The following SYT1 variants were observed in gnomAD, a reference collection of about 807,000 sequenced individuals.
SYT1 encodes the protein synaptotagmin-1.
SYT1 carries 8 observed loss-of-function variants against 44.8 expected under a neutral mutation model. That is an observed-to-expected ratio of 0.18 (90% CI 0.10 to 0.32). The LOEUF (loss-of-function observed/expected upper bound fraction) is 0.32, where lower values mean the gene tolerates loss of function less well. Ranked by LOEUF, SYT1 falls within the 10% of genes least tolerant of loss-of-function variation. The probability of loss-of-function intolerance (pLI) is 1.00; values close to 1 mark genes in which losing one functional copy is unlikely to be tolerated. For missense variants in SYT1, 286 were observed against 509.3 expected (o/e 0.56, Z 4.22); for synonymous variants, 154 against 188.8 (o/e 0.82, Z 1.51).
chr12:79,064,944 GAA>G (rs1565789265), intron 3 of SYT1, among the ~76,000 whole-genome samples: 1 of 130,088 alleles, frequency 7.7e-6, no homozygotes, highest in Non-Finnish European at 1.7e-5. Context: ...AAGAAAGAAA[GAA>G]AGAAAGAAAG....
chr12:79,053,372 A>G (rs28701567), intron 3 of SYT1, among the ~76,000 whole-genome samples: 30,661 of 151,836 alleles, frequency 0.2, 3,458 homozygotes, highest in East Asian at 0.3. Context: ...TGGGGGGAGC[A>G]GGGAGGGATA....
intron 4 of SYT1, among the ~76,000 whole-genome samples, chr12:79,231,311 T>A (rs373466570): frequency 6.6e-6 from 1 of 152,148 alleles, no homozygotes; most frequent in African/African-American, 2.4e-5. Flanking sequence ...CCCCAGCCTG[T>A]CTTTTGAGTG....
chr12:78,936,860 CTCATATCTT>C (rs1878091270), intron 1 of SYT1, among the ~76,000 whole-genome samples: 1 of 152,112 alleles, frequency 6.6e-6, no homozygotes, highest in Admixed American at 6.6e-5. Context: ...GGAAAACTTT[CTCATATCTT>C]CCAGGCAAGG....
At chr12:78,964,102 A>G (rs138867867) in intron 1 of SYT1, 1 of 152,330 alleles carries the variant, frequency 6.6e-6, no homozygotes, top group East Asian at 1.9e-4. Context: ...GCCCCACCCA[A>G]CTAATTTTTA....
At chr12:79,445,917 A>C (rs1292063475) in intron 10 of SYT1, among the ~76,000 whole-genome samples, 1 of 142,916 alleles carries the variant, frequency 7.0e-6, no homozygotes, top group East Asian at 2.0e-4. Flanking sequence ...AAGTATAGCT[A>C]TATAATATAT....
chr12:79,069,440 A>G (rs1333272176), intron 3 of SYT1, among the ~76,000 whole-genome samples: 3 of 152,052 alleles, frequency 2.0e-5, no homozygotes, highest in Non-Finnish European at 4.4e-5. Context: ...CTTTTTCAGA[A>G]CATATGTTCT....
rs186458229 is a variant in SYT1, at chr12:79,351,840, G to A, written c.811-1662G>A. ...TTATGACCTAGATAATTCAAAACAG[G>A]TATTTTCTAAAGTTTCCACTTATTT... is the stretch of plus-strand genomic sequence containing the variant. On this transcript the variant is annotated intron_variant, in intron 8 of 10. Transcript: ENST00000261205. Among the ~76,000 whole-genome samples the A allele has an allele frequency of 7.0e-4, 107 of 152,128 alleles. 1 individual carries two copies. The highest frequency in any genetic ancestry group is 2.1e-3 in the African/African-American group (88 of 41,504).
chr12:78,937,120 A>G (rs191152673), intron 1 of SYT1, among the ~76,000 whole-genome samples: 63 of 152,328 alleles, frequency 4.1e-4, no homozygotes, highest in African/African-American at 1.5e-3. Flanking sequence ...AAGAAAAAAG[A>G]GATCAAGGGC....
chr12:78,987,222 A>G (rs1308840376), intron 2 of SYT1, among the ~76,000 whole-genome samples: 2 of 152,060 alleles, frequency 1.3e-5, no homozygotes, highest in East Asian at 3.9e-4. Context: ...CTTTCTAAGC[A>G]TGAGGAACAT....
At chr12:79,036,519 C>A (rs1436990299) in intron 2 of SYT1, 1 of 151,772 alleles carries the variant, frequency 6.6e-6, no homozygotes, top group East Asian at 1.9e-4. Context: ...CTCTTCATAT[C>A]TCTTCACTTG....
At chr12:79,014,160 A>G (rs1196898595) in intron 2 of SYT1, among the ~76,000 whole-genome samples, 2 of 151,334 alleles carry the variant, frequency 1.3e-5, no homozygotes, top group African/African-American at 2.4e-5. Context: ...AAAAGAAAGA[A>G]AAAGGAAAAG....
chr12:78,982,053 C>A (rs567319424), intron 2 of SYT1, among the ~76,000 whole-genome samples: 1 of 152,100 alleles, frequency 6.6e-6, no homozygotes, highest in East Asian at 1.9e-4. Flanking sequence ...TAAGCAGAGC[C>A]CCCATCACTT....
At chr12:78,869,616 A>T (rs1030265915) in intron 1 of SYT1, among the ~76,000 whole-genome samples, 3 of 151,996 alleles carry the variant, frequency 2.0e-5, no homozygotes, top group African/African-American at 7.2e-5. Flanking sequence ...ACATTATTTT[A>T]AAAAAGCAAT....
At chr12:79,002,126 ATGTT>A (rs1184809614) in intron 2 of SYT1, among the ~76,000 whole-genome samples, 2 of 152,130 alleles carry the variant, frequency 1.3e-5, no homozygotes, top group South Asian at 2.1e-4. Context: ...TAAAAATATA[ATGTT>A]TGTTTCTCAT....
At chr12:78,934,614 C>T (rs1460684770) in intron 1 of SYT1, among the ~76,000 whole-genome samples, 1 of 152,012 alleles carries the variant, frequency 6.6e-6, no homozygotes, top group Non-Finnish European at 1.5e-5. Flanking sequence ...TTGAAAACAC[C>T]TGTCACGCAG....
At chr12:79,181,826 C>T (rs1391441461) in intron 3 of SYT1, among the ~76,000 whole-genome samples, 2 of 152,020 alleles carry the variant, frequency 1.3e-5, no homozygotes, top group Non-Finnish European at 2.9e-5. Context: ...CAACAACATC[C>T]CATTGTGTTC....
intron 9 of SYT1, among the ~76,000 whole-genome samples, chr12:79,357,504 A>G (rs940195533): frequency 2.6e-5 from 4 of 152,210 alleles, no homozygotes; most frequent in Non-Finnish European, 5.9e-5. Context: ...TAGGCTACCA[A>G]TCTATACAAC....
intron 2 of SYT1, among the ~76,000 whole-genome samples, chr12:79,027,634 C>T (rs1234764733): frequency 1.3e-5 from 2 of 151,330 alleles, no homozygotes; most frequent in Non-Finnish European, 3.0e-5. Context: ...CATACATACT[C>T]GAAGCCAATT....
intron 9 of SYT1, among the ~76,000 whole-genome samples, chr12:79,360,851 C>T (rs1337757157): frequency 6.6e-6 from 1 of 152,068 alleles, no homozygotes; most frequent in African/African-American, 2.4e-5. Context: ...CTGGATCATT[C>T]TAGAAAATGA....
Sources: allele counts gnomAD v4.1 joint callset (sites outside exome capture counted in the v4.1 genomes callset), GRCh38; gene constraint gnomAD v4.1.1; transcripts MANE v1.5; gene names NCBI Gene and HGNC (gene_info 2026-07-23, HGNC 2026-07-21).